Variants in STAU1 observed in about 807,000 individuals in gnomAD.
The protein encoded by STAU1 is double-stranded RNA-binding protein Staufen homolog 1.
In STAU1, 13 loss-of-function variants were observed where a neutral mutation model predicts 62.9. That is an observed-to-expected ratio of 0.21 (90% confidence interval 0.13 to 0.33). STAU1 has a LOEUF of 0.33. STAU1 is among the 10% of genes least tolerant of loss of function. The probability of loss-of-function intolerance (pLI) is 1.00; values close to 1 mark genes in which losing one functional copy is unlikely to be tolerated. For synonymous variants in STAU1, 269 were observed against 265.1 expected (o/e 1.01, Z -0.14); for missense variants, 571 against 712.1 (o/e 0.80, Z 2.25).
intron 2 of STAU1, among the ~76,000 whole-genome samples, chr20:49,171,701 A>G (rs1270596683): frequency 6.6e-6 from 1 of 152,112 alleles, no homozygotes; most frequent in Non-Finnish European, 1.5e-5. Context: ...CCAGCCCCCC[A>G]AAATAGTAAT....
the STAU1 span, among the ~76,000 whole-genome samples, chr20:49,218,745 A>C: frequency 6.6e-6 from 1 of 151,932 alleles, no homozygotes; most frequent in African/African-American, 2.4e-5. Flanking sequence ...ATTAATTTTA[A>C]TTAAAAAGTT....
At chr20:49,217,240 C>G in the STAU1 span, among the ~76,000 whole-genome samples, 1 of 151,884 alleles carries the variant, frequency 6.6e-6, no homozygotes, top group African/African-American at 2.4e-5. Context: ...CGAAATAGAA[C>G]AAGACCCAAG....
upstream of STAU1, among the ~76,000 whole-genome samples, chr20:49,190,218 T>C (rs763673587): frequency 6.6e-6 from 1 of 152,204 alleles, no homozygotes; most frequent in Non-Finnish European, 1.5e-5. Flanking sequence ...CTATCACCCA[T>C]AGGGACAAAA....
chr20:49,117,858 G>A lies in STAU1; in HGVS notation c.1428C>T (p.Ile476=). 6.2e-7 allele frequency: 1 copy of A among 1,614,198 alleles called. No homozygotes were observed. Among genetic ancestry groups the A allele is most frequent in the South Asian group, 1.1e-5 (1 of 91,090 alleles). ...PTAETILKNN[I]SSGHVPHGPL... is the part of the protein sequence containing the mutation. Reference sequence around the variant, plus strand: ...GTCCATGGGGTACGTGGCCTGAAGAGATGTTATTCTTTAAAATGGTCTCGG... The same window carrying A: ...GTCCATGGGGTACGTGGCCTGAAGAAATGTTATTCTTTAAAATGGTCTCGG... The change falls in exon 11 of 14, where the codon ATC becomes ATT. Residue 476 remains isoleucine (I), a synonymous_variant. Transcript: ENST00000371856. This position sits in a 1 kb window ranked among gnomAD's most constrained non-coding sequence, Gnocchi z 4.6.
the STAU1 span, among the ~76,000 whole-genome samples, chr20:49,206,743 ATATATATATT>A: frequency 4.4e-5 from 5 of 112,944 alleles, no homozygotes; most frequent in African/African-American, 1.1e-4. Flanking sequence ...ATATATATAT[ATATATATATT>A]TTATTTTATT....
the STAU1 span, among the ~76,000 whole-genome samples, chr20:49,208,977 C>G: frequency 6.6e-6 from 1 of 151,074 alleles, no homozygotes; most frequent in Non-Finnish European, 1.5e-5. Flanking sequence ...ACTCTGTCAC[C>G]CATGCTGGAG....
chr20:49,127,906 T>G (rs1042725191), intron 6 of STAU1, among the ~76,000 whole-genome samples: 9 of 149,202 alleles, frequency 6.0e-5, no homozygotes, highest in Non-Finnish European at 1.2e-4. Flanking sequence ...TCCCAGCACT[T>G]TGGGAGGCCG....
chr20:49,135,480 A>G (rs2092857912), intron 6 of STAU1, among the ~76,000 whole-genome samples: 1 of 152,194 alleles, frequency 6.6e-6, no homozygotes, highest in African/African-American at 2.4e-5. Context: ...ACCTTTAGGG[A>G]CCACAAATGC....
At chr20:49,182,359 T>C (rs995056025) in intron 1 of STAU1, among the ~76,000 whole-genome samples, 2 of 152,224 alleles carry the variant, frequency 1.3e-5, no homozygotes, top group African/African-American at 4.8e-5. Flanking sequence ...GCAGTAAGGT[T>C]TTCTAGTTCA....
At chr20:49,167,699 T>G (rs933857679) in intron 2 of STAU1, among the ~76,000 whole-genome samples, 1 of 151,718 alleles carries the variant, frequency 6.6e-6, no homozygotes, top group East Asian at 1.9e-4. Context: ...TTTCATTGGG[T>G]TTTTTTTCCG....
chr20:49,218,757 C>T, the STAU1 span, among the ~76,000 whole-genome samples: 1 of 151,080 alleles, frequency 6.6e-6, no homozygotes, highest in Admixed American at 6.6e-5. Flanking sequence ...TAAAAAGTTT[C>T]GGGGCTGTGC....
the STAU1 span, among the ~76,000 whole-genome samples, chr20:49,194,298 G>T: frequency 1.3e-5 from 2 of 151,684 alleles, no homozygotes; most frequent in Admixed American, 6.6e-5. Context: ...GCATGGTGGC[G>T]CACGCCTGTA....
chr20:49,116,007 A>G (rs1039418364), intron 12 of STAU1, 140 bp from the exon 13 acceptor site: 1 of 610,996 alleles, frequency 1.6e-6, no homozygotes, highest in African/African-American at 1.9e-5. Flanking sequence ...ACTAAATAAA[A>G]CTTTGAATTT....
chr20:49,122,506 C>T (rs1186335824), intron 8 of STAU1, among the ~76,000 whole-genome samples: 1 of 152,212 alleles, frequency 6.6e-6, no homozygotes, highest in Non-Finnish European at 1.5e-5. Flanking sequence ...GGTGTGCAGA[C>T]ATTACATTCA....
the STAU1 span, among the ~76,000 whole-genome samples, chr20:49,197,395 CTTTTTCTTTTCT>C: frequency 8.6e-4 from 117 of 136,620 alleles, no homozygotes; most frequent in African/African-American, 3.3e-3. Context: ...ATTTTCTTTT[CTTTTTCTTTTCT>C]TTTTTTTTTT....
At chr20:49,137,618 T>C (rs916422829) in intron 5 of STAU1, among the ~76,000 whole-genome samples, 2 of 152,176 alleles carry the variant, frequency 1.3e-5, no homozygotes, top group African/African-American at 4.8e-5. Context: ...TCCAAGATTT[T>C]ATCTGTTGTG....
chr20:49,206,137 C>T, the STAU1 span, among the ~76,000 whole-genome samples: 1 of 147,928 alleles, frequency 6.8e-6, no homozygotes, highest in African/African-American at 2.5e-5. Flanking sequence ...CGCTCGCCAC[C>T]ACGCCCAGCT....
intron 6 of STAU1, among the ~76,000 whole-genome samples, chr20:49,126,588 C>CAAAAAAAAAAAACAAAAAAAAAACA: frequency 3.7e-4 from 21 of 56,370 alleles, no homozygotes; most frequent in South Asian, 1.1e-3. Context: ...AAAAAAAAAA[C>CAAAAAAAAAAAACAAAAAAAAAACA]AAAAAAAAAA....
chr20:49,149,302 A>C (rs910916505), intron 5 of STAU1, among the ~76,000 whole-genome samples: 2 of 147,820 alleles, frequency 1.4e-5, no homozygotes, highest in Non-Finnish European at 3.0e-5. Context: ...CAGCAAGAAC[A>C]ACAAAAGCAG....
Sources: allele counts gnomAD v4.1 joint callset (sites outside exome capture counted in the v4.1 genomes callset), GRCh38; gene constraint gnomAD v4.1.1; non-coding constraint Gnocchi (gnomAD v3.1); transcripts MANE v1.5; gene names NCBI Gene and HGNC (gene_info 2026-07-23, HGNC 2026-07-21).